ASCC1: variants seen among roughly 807,000 people sequenced by gnomAD.
ASCC1 encodes activating signal cointegrator 1 complex subunit 1, also known as ASC-1 complex subunit P50.
Under a neutral mutation model 46.6 loss-of-function variants are expected in ASCC1, and 35 were observed. The observed-to-expected ratio is 0.75, with a 90% CI of 0.57 to 0.99. ASCC1 has a LOEUF of 0.99. Among genes scored for constraint, ASCC1 ranks in the 50% least tolerant of loss-of-function variants. ASCC1 has a pLI of 0.00. For synonymous variants in ASCC1, 143 were observed against 146.6 expected (o/e 0.98, Z 0.18); for missense variants, 376 against 428.7 (o/e 0.88, Z 1.09).
intron 6 of ASCC1, among the ~76,000 whole-genome samples, chr10:72,160,781 T>TTAAAAA (rs1849563376): frequency 7.6e-6 from 1 of 132,276 alleles, no homozygotes; most frequent in African/African-American, 2.7e-5. Context: ...TTATTTGTAT[T>TTAAAAA]AAAAAAAAAA....
Position 72,161,561 on chromosome 10 carries a change from C to CT in ASCC1, c.602dup (p.Gln202AlafsTer3). 2 of 1,614,206 alleles carry CT rather than the reference C, an allele frequency of 1.2e-6. No homozygotes were observed. Among genetic ancestry groups the CT allele is most frequent in the Non-Finnish European group, 1.7e-6 (2 of 1,180,052 alleles). ...ACTTAATGAATTCCTCTTTACACTG[C>CT]TGTAGCATCTCACATGTCTGCTGGA... On this transcript the variant is annotated frameshift_variant, in exon 6 of 10. Coordinates refer to ENST00000672957, the MANE Select transcript of ASCC1 (RefSeq NM_001198800.3). LOFTEE classifies it high-confidence loss of function.
intron 7 of ASCC1, 123 bp downstream of exon 7, chr10:72,152,746 G>C (rs1848515095): frequency 6.8e-6 from 8 of 1,180,824 alleles, no homozygotes; most frequent in Non-Finnish European, 9.6e-6. Context: ...AAAAAAGAGA[G>C]AGAAATAATT....
chr10:72,102,722 C>A, intron 9 of ASCC1: 1 of 358,908 alleles, frequency 2.8e-6, no homozygotes, highest in South Asian at 2.2e-5. Flanking sequence ...CACCTGTAAT[C>A]CCAACACTTT....
At chr10:72,161,495 G>A (rs1849689058) in intron 6 of ASCC1, 43 bp downstream of exon 6, 2 of 1,613,550 alleles carry the variant, frequency 1.2e-6, no homozygotes, top group African/African-American at 1.3e-5. Context: ...AAAGAAGCCA[G>A]CCCAGGTAGA....
chr10:72,136,920 G>C (rs530894625), intron 7 of ASCC1, among the ~76,000 whole-genome samples: 3 of 151,414 alleles, frequency 2.0e-5, no homozygotes, highest in Non-Finnish European at 2.9e-5. Flanking sequence ...AAGAAACTCC[G>C]GACACATCTG....
chr10:72,138,800 A>G lies in ASCC1; in HGVS notation c.747-5619T>C, dbSNP rs1377381737. Among the ~76,000 whole-genome samples the G allele has an allele frequency of 5.3e-5, 8 of 152,172 alleles. No homozygotes were observed. The East Asian group carries it at 1.5e-3, about 29-fold the overall frequency. On this transcript the variant is annotated intron_variant, in intron 7 of 9. Coordinates refer to ENST00000672957, the MANE Select transcript of ASCC1 (RefSeq NM_001198800.3). ...TTGGGCAGGCTGATCCACTGACCTC[A>G]GGTGATCTGCTGGCCTTGGCCTCCC... is the stretch of plus-strand genomic sequence containing the variant.
At chr10:72,127,786 G>T (rs1281268285) in intron 9 of ASCC1, among the ~76,000 whole-genome samples, 1 of 150,606 alleles carries the variant, frequency 6.6e-6, no homozygotes, top group Non-Finnish European at 1.5e-5. Flanking sequence ...AGCCCAGGAG[G>T]TCAAGGCTCC....
chr10:72,200,220 G>T (rs1437998470), intron 4 of ASCC1, among the ~76,000 whole-genome samples: 1 of 152,008 alleles, frequency 6.6e-6, no homozygotes, highest in Admixed American at 6.6e-5. Flanking sequence ...TACACAAATA[G>T]AAAAAATGGG....
chr10:72,214,789 A>T (rs76731640), intron 1 of ASCC1, among the ~76,000 whole-genome samples: 9 of 152,228 alleles, frequency 5.9e-5, no homozygotes, highest in African/African-American at 2.2e-4. Flanking sequence ...AATTCATACC[A>T]AACAATCAGT....
At chr10:72,167,785 A>T (rs1850553553) in intron 5 of ASCC1, among the ~76,000 whole-genome samples, 1 of 151,816 alleles carries the variant, frequency 6.6e-6, no homozygotes. Context: ...ACAAGCTCAC[A>T]TCACCACACC....
intron 6 of ASCC1, among the ~76,000 whole-genome samples, chr10:72,155,636 A>T (rs1374273780): frequency 6.6e-6 from 1 of 152,214 alleles, no homozygotes; most frequent in African/African-American, 2.4e-5. Context: ...TTACAAAATG[A>T]TATTTTATTT....
chr10:72,143,238 A>C (rs960457571), intron 7 of ASCC1, among the ~76,000 whole-genome samples: 4 of 151,610 alleles, frequency 2.6e-5, no homozygotes, highest in Non-Finnish European at 5.9e-5. Context: ...ATTTCCTTAT[A>C]ATTTTTGTTG....
chr10:72,199,290 A>ATT (rs755710978), intron 4 of ASCC1, among the ~76,000 whole-genome samples: 37 of 121,184 alleles, frequency 3.1e-4, no homozygotes, highest in East Asian at 2.1e-3. Context: ...CACCCAGCTA[A>ATT]TTTTTTTTTT....
chr10:72,131,628 T>C (rs1010871843), intron 8 of ASCC1, among the ~76,000 whole-genome samples: 4 of 152,158 alleles, frequency 2.6e-5, no homozygotes, highest in Admixed American at 6.6e-5. Flanking sequence ...AAATTCAATA[T>C]GGCATCACAA....
chr10:72,204,610 T>G, intron 3 of ASCC1: 19 of 1,406,764 alleles, frequency 1.4e-5, no homozygotes, highest in Non-Finnish European at 1.8e-5. Flanking sequence ...TTTTAACCTC[T>G]ATGACTTCAA....
At chr10:72,166,626 A>C (rs188451723) in intron 5 of ASCC1, among the ~76,000 whole-genome samples, 6 of 152,224 alleles carry the variant, frequency 3.9e-5, no homozygotes, top group Non-Finnish European at 7.3e-5. Context: ...GCTTCAACAG[A>C]TATCATCAAG....
chr10:72,156,470 C>T (rs1329362308), intron 6 of ASCC1, among the ~76,000 whole-genome samples: 1 of 152,122 alleles, frequency 6.6e-6, no homozygotes, highest in Non-Finnish European at 1.5e-5. Flanking sequence ...GCCTTAAAAA[C>T]AAAAGGATTT....
chr10:72,151,377 T>C (rs1202144918), intron 7 of ASCC1, among the ~76,000 whole-genome samples: 18 of 149,608 alleles, frequency 1.2e-4, no homozygotes, highest in Admixed American at 1.1e-3. Flanking sequence ...TTCTCACTCA[T>C]AGGTGGGAAT....
At chr10:72,099,198 G>A (rs879848558) in intron 9 of ASCC1, among the ~76,000 whole-genome samples, 10 of 152,170 alleles carry the variant, frequency 6.6e-5, no homozygotes, top group Non-Finnish European at 1.2e-4. Context: ...GCAAGTGACC[G>A]ACCCATGACT....
Sources: gnomAD v4.1 joint callset for allele counts (sites outside exome capture counted in the v4.1 genomes callset) on GRCh38, gnomAD v4.1.1 for gene constraint, MANE v1.5 for transcripts, NCBI Gene and HGNC (gene_info 2026-07-23, HGNC 2026-07-21) for gene names.